Variants in IFRD1 observed in about 807,000 individuals in gnomAD.
The protein encoded by IFRD1 is interferon-related developmental regulator 1.
IFRD1 carries 35 observed loss-of-function variants against 52.9 expected under a neutral mutation model. That is an observed-to-expected ratio of 0.66 (90% confidence interval 0.51 to 0.88). The LOEUF (loss-of-function observed/expected upper bound fraction) is 0.88, where lower values mean the gene tolerates loss of function less well. IFRD1 is among the 40% of genes least tolerant of loss of function. The pLI, the probability that IFRD1 is intolerant of heterozygous loss-of-function variation, is 0.00. For synonymous variants in IFRD1, 184 were observed against 188.4 expected (o/e 0.98, Z 0.19); for missense variants, 517 against 550.8 (o/e 0.94, Z 0.61).
At chr7:112,470,512 T>G (rs1234824389) in intron 9 of IFRD1, among the ~76,000 whole-genome samples, 1 of 151,996 alleles carries the variant, frequency 6.6e-6, no homozygotes, top group Non-Finnish European at 1.5e-5. Context: ...GGGAAGAGAG[T>G]TGATAGCTGG....
At chr7:112,443,090 A>G (rs934774963) in intron 1 of IFRD1, among the ~76,000 whole-genome samples, 1 of 152,220 alleles carries the variant, frequency 6.6e-6, no homozygotes, top group Non-Finnish European at 1.5e-5. Context: ...TACTTGCTCA[A>G]GAATCCATTG....
intron 8 of IFRD1, among the ~76,000 whole-genome samples, chr7:112,463,088 C>T (rs774502134): frequency 1.3e-5 from 2 of 152,140 alleles, no homozygotes; most frequent in African/African-American, 4.8e-5. Context: ...AAAGGAATGC[C>T]TCAAATCTTA....
At chr7:112,444,840 G>A (rs1794979952) in intron 1 of IFRD1, among the ~76,000 whole-genome samples, 2 of 152,174 alleles carry the variant, frequency 1.3e-5, no homozygotes, top group African/African-American at 2.4e-5. Context: ...AAACTACTGG[G>A]TGCTATGCTC....
At chr7:112,464,763 A>G (rs1795566637) in intron 8 of IFRD1, among the ~76,000 whole-genome samples, 1 of 152,186 alleles carries the variant, frequency 6.6e-6, no homozygotes, top group African/African-American at 2.4e-5. Flanking sequence ...GGGAAAATTT[A>G]ACAAAATATA....
intron 9 of IFRD1, among the ~76,000 whole-genome samples, chr7:112,468,319 C>T (rs1006093227): frequency 1.3e-5 from 2 of 149,054 alleles, no homozygotes. Flanking sequence ...TATAAAGATA[C>T]TTTATTTTAG....
intron 11 of IFRD1, among the ~76,000 whole-genome samples, 168 bp downstream of exon 11, chr7:112,473,029 C>CGTGTGTGTGT (rs74273594): frequency 1.8e-4 from 21 of 115,152 alleles, no homozygotes; most frequent in African/African-American, 6.3e-4. Flanking sequence ...GTGTGGGGGG[C>CGTGTGTGTGT]GTGTGTGTGT....
At chr7:112,439,188 T>C (rs908746644) in intron 1 of IFRD1, among the ~76,000 whole-genome samples, 1 of 152,198 alleles carries the variant, frequency 6.6e-6, no homozygotes, top group Non-Finnish European at 1.5e-5. Flanking sequence ...CAGAATTCTG[T>C]GGAGGCGGAA....
chr7:112,445,786 T>C (rs1470591925), upstream of IFRD1, among the ~76,000 whole-genome samples: 1 of 152,208 alleles, frequency 6.6e-6, no homozygotes, highest in Non-Finnish European at 1.5e-5. Context: ...ACAAAGGTGC[T>C]ACATGTGTGT....
rs894014704 is a variant in IFRD1 at position 112,475,181 on chromosome 7, A to G, written c.1267-249A>G. Among the ~76,000 whole-genome samples, 8 of 152,094 alleles carry G rather than the reference A, an allele frequency of 5.3e-5. No homozygotes were observed. In the East Asian group the frequency reaches 1.4e-3, roughly 26 times the overall value. On this transcript the variant is annotated intron_variant, in intron 11 of 11. Coordinates refer to ENST00000403825, the MANE Select transcript of IFRD1 (RefSeq NM_001550.4). ...CACCGTGTTAGCCAGGATGGTCTCA[A>G]TCTCCTGACCTCGTGATTCGCCCAC... is the stretch of plus-strand genomic sequence containing the variant.
At chr7:112,435,703 G>A (rs1794669076) in intron 1 of IFRD1, 1 of 139,368 alleles carries the variant, frequency 7.2e-6, no homozygotes, top group South Asian at 2.4e-4. Flanking sequence ...CCCCATACAT[G>A]AGCTCCAACA....
chr7:112,431,753 C>T (rs189342418), intron 1 of IFRD1, among the ~76,000 whole-genome samples: 86 of 152,224 alleles, frequency 5.6e-4, no homozygotes, highest in Admixed American at 1.6e-3. Flanking sequence ...AAGTAGTATT[C>T]GAATTAAAGA....
intron 1 of IFRD1, among the ~76,000 whole-genome samples, chr7:112,425,966 A>C (rs1460253252): frequency 6.6e-6 from 1 of 152,184 alleles, no homozygotes; most frequent in Non-Finnish European, 1.5e-5. Flanking sequence ...CTTTTGCTAA[A>C]ACATTCTTTT....
At chr7:112,428,917 A>G (rs1418536619) in intron 1 of IFRD1, among the ~76,000 whole-genome samples, 1 of 152,140 alleles carries the variant, frequency 6.6e-6, no homozygotes, top group African/African-American at 2.4e-5. Context: ...CCTCTTCTCA[A>G]AAGCTATTGT....
intron 1 of IFRD1, among the ~76,000 whole-genome samples, chr7:112,424,355 G>C (rs1794382860): frequency 6.6e-6 from 1 of 152,120 alleles, no homozygotes; most frequent in Non-Finnish European, 1.5e-5. Flanking sequence ...CACAGGGTCA[G>C]CTTGCTGTGT....
intron 9 of IFRD1, 79 bp downstream of exon 9, chr7:112,468,194 T>A: frequency 6.9e-7 from 1 of 1,444,208 alleles, no homozygotes; most frequent in Non-Finnish European, 9.7e-7. Context: ...TTGTACCATT[T>A]TGTTGATTGA....
rs753318165 is a variant in IFRD1, at chr7:112,461,930, CTT to C, written c.618+16_618+17del. The C allele has an allele frequency of 2.5e-6, 4 of 1,609,386 alleles. No individual in the cohort carries two copies. The highest frequency in any genetic ancestry group is 3.4e-6 in the Non-Finnish European group (4 of 1,176,312). On this transcript the variant is annotated intron_variant, in intron 6 of 11. Coordinates refer to ENST00000403825, the MANE Select transcript of IFRD1 (RefSeq NM_001550.4). ...GATGACATTACTGTAAGTAAAAAAC[CTT>C]TGATTCTAGTTATCTGCAGTTATTT... is the stretch of plus-strand genomic sequence containing the variant.
rs545697287 is a variant in IFRD1, at chr7:112,475,160, G to A, written c.1267-270G>A. Among the ~76,000 whole-genome samples, 349 of 151,954 alleles carry A rather than the reference G, an allele frequency of 2.3e-3. 1 individual carries two copies. Among genetic ancestry groups the A allele is most frequent in the African/African-American group, 7.6e-3 (317 of 41,456 alleles). ...TTTTTAGTAGAGACGGGATTTCACC[G>A]TGTTAGCCAGGATGGTCTCAATCTC... On this transcript the variant is annotated intron_variant, in intron 11 of 11. Transcript: ENST00000403825.
chr7:112,458,529 A>C (rs1408316717), intron 4 of IFRD1, among the ~76,000 whole-genome samples: 3 of 152,180 alleles, frequency 2.0e-5, no homozygotes, highest in Non-Finnish European at 4.4e-5. Context: ...TGAAGATAGA[A>C]ATTGGCTTGA....
chr7:112,440,704 A>G (rs1156746242), intron 1 of IFRD1, among the ~76,000 whole-genome samples: 2 of 152,204 alleles, frequency 1.3e-5, no homozygotes, highest in Non-Finnish European at 2.9e-5. Context: ...CCACTTGCAA[A>G]TGCCTGGACA....
Sources: allele counts gnomAD v4.1 joint callset (sites outside exome capture counted in the v4.1 genomes callset), GRCh38; gene constraint gnomAD v4.1.1; transcripts MANE v1.5; gene names NCBI Gene and HGNC (gene_info 2026-07-23, HGNC 2026-07-21).